Variants in NPFFR2 observed in about 807,000 individuals in gnomAD.
NPFFR2 encodes the protein neuropeptide FF receptor 2.
NPFFR2 carries 15 observed loss-of-function variants against 13.1 expected under a neutral mutation model. The observed-to-expected ratio is 1.15, with a 90% CI of 0.77 to 1.76. The LOEUF (loss-of-function observed/expected upper bound fraction) is 1.76. NPFFR2 is among the 40% of genes most tolerant of loss of function. The pLI, the probability that NPFFR2 is intolerant of heterozygous loss-of-function variation, is 0.00. For missense variants in NPFFR2, 572 were observed against 503.5 expected (o/e 1.14, Z -1.30); for synonymous variants, 190 against 175.7 (o/e 1.08, Z -0.65).
At chr4:72,077,144 T>A (rs61578766) in intron 1 of NPFFR2, among the ~76,000 whole-genome samples, 2 of 152,190 alleles carry the variant, frequency 1.3e-5, no homozygotes, top group African/African-American at 4.8e-5. Flanking sequence ...ATTTTCTACC[T>A]CTATCTTCAT....
At chr4:72,101,375 T>A (rs1196403725) in intron 1 of NPFFR2, among the ~76,000 whole-genome samples, 1 of 151,892 alleles carries the variant, frequency 6.6e-6, no homozygotes, top group Non-Finnish European at 1.5e-5. Flanking sequence ...GAATAGGTGC[T>A]GGGGTGAGAC....
intron 1 of NPFFR2, chr4:72,068,855 TC>T: frequency 1.1e-5 from 3 of 279,548 alleles, no homozygotes; most frequent in Non-Finnish European, 6.2e-6. Context: ...TTTTTTTTTA[TC>T]TTATCTTTTT....
At chr4:72,108,039 A>G (rs929480408) in intron 1 of NPFFR2, among the ~76,000 whole-genome samples, 2 of 152,010 alleles carry the variant, frequency 1.3e-5, no homozygotes, top group Admixed American at 1.3e-4. Flanking sequence ...AAGGTCTGGG[A>G]CATTGAGAGT....
chr4:72,118,598 G>T (rs529691728), intron 1 of NPFFR2, among the ~76,000 whole-genome samples: 1 of 152,058 alleles, frequency 6.6e-6, no homozygotes, highest in East Asian at 1.9e-4. Flanking sequence ...AGACATGCAC[G>T]TACCTTTAAA....
At chr4:72,047,540 G>A (rs1212228892) in intron 1 of NPFFR2, among the ~76,000 whole-genome samples, 1 of 152,052 alleles carries the variant, frequency 6.6e-6, no homozygotes, top group Non-Finnish European at 1.5e-5. Context: ...CAGGGATCTG[G>A]TTTAGCTCTC....
At chr4:72,053,364 T>C (rs930172191) in intron 1 of NPFFR2, among the ~76,000 whole-genome samples, 5 of 151,828 alleles carry the variant, frequency 3.3e-5, no homozygotes, top group African/African-American at 1.2e-4. Context: ...AGAGAGCCTA[T>C]GAGTGAACTA....
rs1578486653 is a variant in NPFFR2, at chr4:72,145,904, C to T, written c.429-1074C>T. 2.0e-5 allele frequency among the ~76,000 whole-genome samples: 3 copies of T among 152,078 alleles called. No homozygotes were observed. The East Asian group carries it at 5.8e-4, about 29-fold the overall frequency. ...CACAGTTGCATAATAGTGTGATTAT[C>T]TTTTGATTAACATAATGAAATTCAA... is the stretch of plus-strand genomic sequence containing the variant. On this transcript the variant is annotated intron_variant, in intron 3 of 3. Transcript: ENST00000308744.
chr4:72,035,679 A>G (rs1054236158), intron 1 of NPFFR2, among the ~76,000 whole-genome samples: 23 of 152,296 alleles, frequency 1.5e-4, no homozygotes, highest in African/African-American at 4.6e-4. Flanking sequence ...TCCAAATCAC[A>G]CCACACCAGT....
chr4:72,116,470 C>T (rs1721717149), intron 1 of NPFFR2, among the ~76,000 whole-genome samples: 1 of 151,826 alleles, frequency 6.6e-6, no homozygotes, highest in African/African-American at 2.4e-5. Flanking sequence ...GTGTACTATG[C>T]TCACTACCTG....
intron 1 of NPFFR2, among the ~76,000 whole-genome samples, chr4:72,109,198 C>T (rs1252177054): frequency 6.6e-6 from 1 of 152,004 alleles, no homozygotes; most frequent in Non-Finnish European, 1.5e-5. Context: ...GGCCATTAGT[C>T]AGCACCCAGA....
At chr4:72,079,733 T>A (rs1431223419) in intron 1 of NPFFR2, among the ~76,000 whole-genome samples, 4 of 152,158 alleles carry the variant, frequency 2.6e-5, no homozygotes, top group African/African-American at 9.7e-5. Flanking sequence ...GTATTCAGAA[T>A]GTATCAAAAC....
intron 1 of NPFFR2, among the ~76,000 whole-genome samples, chr4:72,119,124 T>C (rs113602164): frequency 3.3e-5 from 5 of 152,180 alleles, no homozygotes; most frequent in African/African-American, 7.2e-5. Context: ...ATCTCTTCTA[T>C]ACAATATATA....
At chr4:72,091,294 C>A (rs1246334566) in intron 1 of NPFFR2, among the ~76,000 whole-genome samples, 1 of 151,882 alleles carries the variant, frequency 6.6e-6, no homozygotes, top group Non-Finnish European at 1.5e-5. Flanking sequence ...GTGTAGTTTT[C>A]TTTTTGTATT....
chr4:72,148,006 T>G lies in NPFFR2; in HGVS notation c.*194T>G, dbSNP rs1722844238. ...TAAACAATCTTATGTTGTATAAAAA[T>G]ACGTAGAGTGACTTAGACATGTTTG... On this transcript the variant is annotated 3_prime_UTR_variant, in exon 4 of 4. Transcript: ENST00000308744. 2 of 495,004 alleles carry G rather than the reference T, an allele frequency of 4.0e-6. No individual in the cohort carries two copies. Among genetic ancestry groups the G allele is most frequent in the Non-Finnish European group, 7.0e-6 (2 of 284,174 alleles). 30.7% of individuals were successfully genotyped at this position (495,004 alleles called of 1,614,324 possible).
chr4:72,038,935 GTC>G lies in NPFFR2; in HGVS notation c.-8+6739_-8+6740del, dbSNP rs1441664473. ...TTTTTTTTTTTTTTTTTGAGATGGA[GTC>G]TCTGTCGCCCAGGCTAGAGTGCAGT... On this transcript the variant is annotated intron_variant, in intron 1 of 3. Coordinates refer to ENST00000308744, the MANE Select transcript of NPFFR2 (RefSeq NM_004885.3). Among the ~76,000 whole-genome samples the G allele has an allele frequency of 1.5e-3, 100 of 66,634 alleles. 3 individuals are homozygous for G. The East Asian group carries it at 0.045, about 30-fold the overall frequency. 43.7% of individuals were successfully genotyped at this position (66,634 alleles called of 152,430 possible).
intron 2 of NPFFR2, among the ~76,000 whole-genome samples, chr4:72,135,260 T>TTTATTATGC (rs1722374370): frequency 6.6e-6 from 1 of 152,192 alleles, no homozygotes; most frequent in African/African-American, 2.4e-5. Flanking sequence ...CCTTTTTATT[T>TTTATTATGC]TGTATTTATT....
intron 1 of NPFFR2, chr4:72,039,053 GTTTTTTGTTT>G (rs1407917556): frequency 1.3e-5 from 1 of 76,334 alleles, no homozygotes; most frequent in Non-Finnish European, 2.7e-5. Flanking sequence ...TGGCGCCTGG[GTTTTTTGTTT>G]TTTTTTGTTT....
rs191900508 is a variant in NPFFR2 at position 72,094,428 on chromosome 4, T to A, written c.-7-34157T>A. Among the ~76,000 whole-genome samples the A allele has an allele frequency of 5.8e-3, 876 of 152,252 alleles. 5 individuals are homozygous for A. Among genetic ancestry groups the A allele is most frequent in the Non-Finnish European group, 8.2e-3 (556 of 68,020 alleles). ...GCCATGGAGCTCCCAGGAGACTATG[T>A]CCTTTGTCTTCAGCTACCAGGGCAG... On this transcript the variant is annotated intron_variant, in intron 1 of 3. Coordinates refer to ENST00000308744, the MANE Select transcript of NPFFR2 (RefSeq NM_004885.3).
At chr4:72,087,612 A>G (rs912739125) in intron 1 of NPFFR2, among the ~76,000 whole-genome samples, 1 of 152,066 alleles carries the variant, frequency 6.6e-6, no homozygotes, top group African/African-American at 2.4e-5. Context: ...GGGGAAGGAA[A>G]GAATTCAGAG....
Sources: allele counts gnomAD v4.1 joint callset (sites outside exome capture counted in the v4.1 genomes callset), GRCh38; gene constraint gnomAD v4.1.1; transcripts MANE v1.5; gene names NCBI Gene and HGNC (gene_info 2026-07-23, HGNC 2026-07-21).